ASRGL1: variants seen among roughly 807,000 people sequenced by gnomAD.
ASRGL1 encodes isoaspartyl peptidase/L-asparaginase.
Under a neutral mutation model 22.4 loss-of-function variants are expected in ASRGL1, and 16 were observed. The observed-to-expected ratio is 0.71, with a 90% confidence interval of 0.48 to 1.08. ASRGL1 has a LOEUF of 1.08. Among genes scored for constraint, ASRGL1 ranks in the 50% least tolerant of loss-of-function variants. ASRGL1 has a pLI of 0.00. For missense variants in ASRGL1, 412 were observed against 410.1 expected, an observed-to-expected ratio of 1.00 and a Z score of -0.04; for synonymous variants, 165 against 159.3, an observed-to-expected ratio of 1.04 and a Z score of -0.27.
chr11:62,399,002 C>G, the ASRGL1 span, among the ~76,000 whole-genome samples: 1 of 152,106 alleles, frequency 6.6e-6, no homozygotes, highest in East Asian at 1.9e-4. Context: ...AACCCCGTGT[C>G]TACTAAAAAT....
At chr11:62,343,994 T>C (rs1288194796) in intron 2 of ASRGL1, among the ~76,000 whole-genome samples, 1 of 145,466 alleles carries the variant, frequency 6.9e-6, no homozygotes, top group East Asian at 2.1e-4. Flanking sequence ...AATGGCGCGA[T>C]CTCAGCTCAC....
rs2134555512 is a variant in ASRGL1, at chr11:62,337,933, C to T, written c.-45C>T. 6.4e-7 allele frequency: 1 copy of T among 1,553,196 alleles called. No individual in the cohort carries two copies. The highest frequency in any genetic ancestry group is 8.7e-7 in the Non-Finnish European group (1 of 1,149,608). On this transcript the variant is annotated 5_prime_UTR_variant, in exon 2 of 7. Transcript: ENST00000415229. The stretch of plus-strand genomic sequence containing the variant: ...TACCCGCGCGGCTTCCTTGGGCTGG[C>T]TTTGGACGACGCTTTCGCCTTCCTG...
At chr11:62,343,143 C>T (rs577578512) in intron 2 of ASRGL1, among the ~76,000 whole-genome samples, 4 of 152,074 alleles carry the variant, frequency 2.6e-5, no homozygotes, top group Admixed American at 6.6e-5. Flanking sequence ...TTTGGGAGGC[C>T]GAGGCAGGCG....
In ASRGL1 at chr11:62,356,394, T is replaced by A. The variant is rs1946297115; in HGVS notation, c.260T>A (p.Leu87Gln). The part of the protein sequence containing the change: ...MDASIMDGKD[L>Q]SAGAVSAVQC... ...GCTAGTATCATGGATGGAAAAGACC[T>A]GTCTGCAGGAGCAGTGTCCGCAGTC... The change falls in exon 3 of 7, where the codon CTG becomes CAG. Residue 87 changes from leucine (L) to glutamine (Q), a missense_variant. By Grantham distance (113) the Leu-to-Gln change is moderately radical. Coordinates refer to ENST00000415229, the MANE Select transcript of ASRGL1 (RefSeq NM_001083926.2). The A allele has an allele frequency of 1.2e-6, 2 of 1,614,170 alleles. No individual in the cohort carries two copies. Among genetic ancestry groups the A allele is most frequent in the Non-Finnish European group, 1.7e-6 (2 of 1,179,964 alleles).
At chr11:62,371,269 A>C in intron 4 of ASRGL1, 1 of 1,351,016 alleles carries the variant, frequency 7.4e-7, no homozygotes, top group Non-Finnish European at 9.7e-7. Flanking sequence ...CAGTAGCAGC[A>C]GTGGTGGCAG....
chr11:62,357,103 A>G lies in ASRGL1; in HGVS notation c.450A>G (p.Lys150=), dbSNP rs781092984. 5 of 1,614,106 alleles carry G rather than the reference A, an allele frequency of 3.1e-6. No individual in the cohort carries two copies. The highest frequency in any genetic ancestry group is 1.6e-4 in the Middle Eastern group (1 of 6,062). The change falls in exon 4 of 7, where the codon AAA becomes AAG. Residue 150 remains lysine (K), a synonymous_variant. Coordinates refer to ENST00000415229, the MANE Select transcript of ASRGL1 (RefSeq NM_001083926.2). ...VTERNKKRLE[K]EKHEKGAQKT... is the part of the protein sequence containing the mutation. ...AGAGAAACAAAAAGCGCCTGGAAAA[A>G]GAGAAGCATGAAAAAGGTGCTCAGA...
At chr11:62,356,760 A>G (rs1188849874) in intron 3 of ASRGL1, among the ~76,000 whole-genome samples, 3 of 152,188 alleles carry the variant, frequency 2.0e-5, no homozygotes, top group African/African-American at 7.2e-5. Flanking sequence ...AATTTAACGT[A>G]TATGTAAATC....
At chr11:62,351,763 C>T (rs141075363) in intron 2 of ASRGL1, among the ~76,000 whole-genome samples, 1 of 152,148 alleles carries the variant, frequency 6.6e-6, no homozygotes, top group East Asian at 1.9e-4. Flanking sequence ...CCTTGACTTC[C>T]TAGGCTCAAG....
At chr11:62,355,959 A>G (rs1208895199) in intron 2 of ASRGL1, among the ~76,000 whole-genome samples, 1 of 152,214 alleles carries the variant, frequency 6.6e-6, no homozygotes, top group Non-Finnish European at 1.5e-5. Context: ...GATCAACAGG[A>G]TCCCAAGGCA....
chr11:62,343,341 GC>G (rs1479357840), intron 2 of ASRGL1, among the ~76,000 whole-genome samples: 1 of 138,262 alleles, frequency 7.2e-6, no homozygotes, highest in Non-Finnish European at 1.5e-5. Flanking sequence ...TCGTGCCACT[GC>G]ACTCCAGCCT....
chr11:62,345,476 C>A (rs566273530), intron 2 of ASRGL1, among the ~76,000 whole-genome samples: 1 of 152,136 alleles, frequency 6.6e-6, no homozygotes, highest in East Asian at 1.9e-4. Flanking sequence ...ACCATGTTGG[C>A]CAGACTGGCC....
chr11:62,362,638 T>TTATATATTATATAA, intron 4 of ASRGL1, among the ~76,000 whole-genome samples: 1 of 22,730 alleles, frequency 4.4e-5, no homozygotes, highest in East Asian at 1.1e-3. Flanking sequence ...AAAATATATA[T>TTATATATTATATAA]AATATATAAT....
chr11:62,363,735 G>A (rs2134634526), intron 4 of ASRGL1, among the ~76,000 whole-genome samples: 1 of 152,272 alleles, frequency 6.6e-6, no homozygotes, highest in African/African-American at 2.4e-5. Flanking sequence ...GGTAATTCCA[G>A]TTGCTGCTGC....
chr11:62,353,837 G>C (rs1188949619), intron 2 of ASRGL1, among the ~76,000 whole-genome samples: 1 of 152,078 alleles, frequency 6.6e-6, no homozygotes, highest in Non-Finnish European at 1.5e-5. Context: ...CTTTTATCAG[G>C]TCTTCTCTAA....
intron 4 of ASRGL1, among the ~76,000 whole-genome samples, chr11:62,365,559 CA>C (rs945935032): frequency 6.6e-6 from 1 of 150,418 alleles, no homozygotes; most frequent in Non-Finnish European, 1.5e-5. Flanking sequence ...GTCTCAAAAA[CA>C]AAAAAAAGGC....
chr11:62,343,711 A>C (rs1327475094), intron 2 of ASRGL1, among the ~76,000 whole-genome samples: 1 of 148,412 alleles, frequency 6.7e-6, no homozygotes, highest in African/African-American at 2.5e-5. Flanking sequence ...CTGGGCAACA[A>C]AGCAAGACTC....
intron 2 of ASRGL1, among the ~76,000 whole-genome samples, chr11:62,355,583 G>C (rs1946266576): frequency 6.6e-6 from 1 of 151,998 alleles, no homozygotes; most frequent in Admixed American, 6.6e-5. Context: ...TGGATTAAAG[G>C]GGGCAAATTA....
chr11:62,386,076 A>G (rs1947193859), intron 4 of ASRGL1, among the ~76,000 whole-genome samples: 1 of 151,572 alleles, frequency 6.6e-6, no homozygotes, highest in East Asian at 1.9e-4. Context: ...GCAGGAGAAT[A>G]GCTTGAACCC....
At chr11:62,384,036 G>C (rs909431296) in intron 4 of ASRGL1, among the ~76,000 whole-genome samples, 1 of 76,848 alleles carries the variant, frequency 1.3e-5, no homozygotes, top group Non-Finnish European at 2.8e-5. Context: ...ACGTGTGTGC[G>C]TGTGTGTGTG....
Sources: allele counts gnomAD v4.1 joint callset (sites outside exome capture counted in the v4.1 genomes callset), GRCh38; gene constraint gnomAD v4.1.1; transcripts MANE v1.5; gene names NCBI Gene and HGNC (gene_info 2026-07-23, HGNC 2026-07-21).